Variants in ATAD3B observed in about 807,000 individuals in gnomAD.
ATAD3B encodes the protein ATPase family AAA domain-containing protein 3B.
ATAD3B carries 59 observed loss-of-function variants against 70.2 expected under a neutral mutation model. That is an observed-to-expected ratio of 0.84 (90% CI 0.68 to 1.04). The LOEUF is 1.04. ATAD3B is among the 50% of genes least tolerant of loss of function. ATAD3B has a pLI of 0.00. For synonymous variants in ATAD3B, 423 were observed against 388.6 expected (o/e 1.09, Z -1.04); for missense variants, 961 against 913.4 (o/e 1.05, Z -0.67).
At chr1:1,481,898 G>C (rs1639922750) in intron 5 of ATAD3B, among the ~76,000 whole-genome samples, 1 of 152,130 alleles carries the variant, frequency 6.6e-6, no homozygotes, top group Non-Finnish European at 1.5e-5. Context: ...GCCTTAGCCT[G>C]TTGGTGGCGT....
chr1:1,506,005 G>T, the ATAD3B span, among the ~76,000 whole-genome samples: 1 of 152,130 alleles, frequency 6.6e-6, no homozygotes, highest in South Asian at 2.1e-4. Flanking sequence ...TGCCAAGGTG[G>T]GTGGAGCACC....
chr1:1,491,509 C>CAA (rs1640539639), intron 15 of ATAD3B, among the ~76,000 whole-genome samples: 1 of 151,642 alleles, frequency 6.6e-6, no homozygotes, highest in South Asian at 2.1e-4. Context: ...CCAGCCTGGC[C>CAA]AAAGATTGAG....
At chr1:1,495,334 TG>T in intron 15 of ATAD3B, 150 bp from the exon 16 acceptor site, 1 of 1,108,314 alleles carries the variant, frequency 9.0e-7, no homozygotes. Context: ...ACACGCGTGC[TG>T]GGCTCTGCCA....
rs2100608221 is a variant in ATAD3B, at chr1:1,496,330, G to A, written c.*513G>A. On this transcript the variant is annotated 3_prime_UTR_variant, in exon 16 of 16. Coordinates refer to ENST00000673477, the MANE Select transcript of ATAD3B (RefSeq NM_031921.6). ...TGGAGAATTTACTGATCACAGAGCGGTGTGCTTCACATCAGCCTCGCGCCA... is the reference window on the plus strand; with the variant it reads ...TGGAGAATTTACTGATCACAGAGCGATGTGCTTCACATCAGCCTCGCGCCA... The A allele has an allele frequency of 3.6e-6, 3 of 844,332 alleles. No homozygotes were observed. Among genetic ancestry groups the A allele is most frequent in the Non-Finnish European group, 4.3e-6 (3 of 700,658 alleles). The allele number at this position is 844,332 out of a possible 1,614,324, so 52.3% of individuals were successfully genotyped here.
intron 9 of ATAD3B, 30 bp from the exon 10 acceptor site, chr1:1,486,080 T>C: frequency 1.2e-6 from 2 of 1,612,464 alleles, no homozygotes; most frequent in Non-Finnish European, 8.5e-7. Flanking sequence ...GTGCAGAGTG[T>C]CTCCCCCAAA....
At chr1:1,492,798 G>C (rs1640601172) in intron 15 of ATAD3B, among the ~76,000 whole-genome samples, 1 of 151,812 alleles carries the variant, frequency 6.6e-6, no homozygotes, top group Admixed American at 6.6e-5. Context: ...AATTATCCAG[G>C]CGTGGTGGCT....
intron 1 of ATAD3B, among the ~76,000 whole-genome samples, chr1:1,473,658 G>A (rs1489353317): frequency 6.7e-6 from 1 of 149,170 alleles, no homozygotes; most frequent in East Asian, 2.0e-4. Flanking sequence ...ACCACGCCCA[G>A]CTAATTTTTG....
chr1:1,471,991 G>T lies in ATAD3B; in HGVS notation c.107G>T (p.Gly36Val). ...QPGAEGGGDR[G>V]LGDRPAPKDK... ...GGGGCCGAGGGCGGCGGGGACCGCGGTTTGGGAGACCGGCCGGCGCCCAAG... is the reference window on the plus strand; with the variant it reads ...GGGGCCGAGGGCGGCGGGGACCGCGTTTTGGGAGACCGGCCGGCGCCCAAG... Residue 36 changes from glycine to valine, a missense_variant, in exon 1 of 16, where the codon GGT (glycine) becomes GTT (valine). Coordinates refer to ENST00000673477, the MANE Select transcript of ATAD3B (RefSeq NM_031921.6). 1.6e-6 allele frequency: 2 copies of T among 1,243,072 alleles called. No individual in the cohort carries two copies. The highest frequency in any genetic ancestry group is 8.1e-5 in the South Asian group (2 of 24,632). The allele number at this position is 1,243,072 out of a possible 1,614,324, so 77.0% of individuals were successfully genotyped here.
the ATAD3B span, chr1:1,503,694 G>A: frequency 1.2e-6 from 2 of 1,608,230 alleles, no homozygotes; most frequent in African/African-American, 1.3e-5. Flanking sequence ...GGGAGGCCGG[G>A]GCGCACATGG....
chr1:1,489,182 G>A, intron 12 of ATAD3B, 22 bp from the exon 13 acceptor site: 1 of 1,613,282 alleles, frequency 6.2e-7, no homozygotes, highest in Non-Finnish European at 8.5e-7. Flanking sequence ...TGGTGCCTAA[G>A]GCTGGAACCT....
At chr1:1,478,803 A>G in intron 3 of ATAD3B, 58 bp downstream of exon 3, 1 of 1,319,086 alleles carries the variant, frequency 7.6e-7, no homozygotes, top group Non-Finnish European at 1.0e-6. Flanking sequence ...GGCCTGGGGC[A>G]GGACTGGGAG....
At chr1:1,502,213 T>C (rs1000555785), downstream of ATAD3B, among the ~76,000 whole-genome samples, 2 of 149,330 alleles carry the variant, frequency 1.3e-5, no homozygotes, top group African/African-American at 4.9e-5. Flanking sequence ...GCTTTTTTTT[T>C]CTCTCTCTTT....
chr1:1,487,092 G>A lies in ATAD3B; in HGVS notation c.1214+424G>A, dbSNP rs1309201176. Among the ~76,000 whole-genome samples, 7 of 152,186 alleles carry A rather than the reference G, an allele frequency of 4.6e-5. No individual in the cohort carries two copies. The East Asian group carries it at 1.2e-3, about 25-fold the overall frequency. On this transcript the variant is annotated intron_variant, in intron 11 of 15. Coordinates refer to ENST00000673477, the MANE Select transcript of ATAD3B (RefSeq NM_031921.6). ...TCAATAGGTCCCACAGTGACCCCGCGCAGGGCACAGCCCGGGCACCCTTGT... is the reference window on the plus strand; with the variant it reads ...TCAATAGGTCCCACAGTGACCCCGCACAGGGCACAGCCCGGGCACCCTTGT...
chr1:1,478,604 C>T (rs1418206516), intron 2 of ATAD3B, 40 bp from the exon 3 acceptor site: 2 of 1,549,610 alleles, frequency 1.3e-6, no homozygotes, highest in East Asian at 2.4e-5. Flanking sequence ...GCAGTGCCAG[C>T]CCTGAGCAAG....
chr1:1,490,195 G>T (rs746861390), intron 13 of ATAD3B, 62 bp from the exon 14 acceptor site: 10 of 1,581,436 alleles, frequency 6.3e-6, no homozygotes, highest in Non-Finnish European at 8.6e-6. Flanking sequence ...AGGAGCCCCC[G>T]TTGCCCTCGG....
rs768695366 is a variant in ATAD3B at position 1,485,111 on chromosome 1, G to C, written c.846G>C (p.Pro282=). Residue 282 remains proline (P), a synonymous_variant, in exon 8 of 16, where the codon CCG becomes CCC. Coordinates refer to ENST00000673477, the MANE Select transcript of ATAD3B (RefSeq NM_031921.6). ...TCATCGAGGCTCGGCTGGGGAAGCC[G>C]TCCCTAGTGAGGGAGACGTCCCGCA... ...GRFIEARLGK[P]SLVRETSRIT... 2 of 1,610,284 alleles carry C rather than the reference G, an allele frequency of 1.2e-6. No homozygotes were observed. The highest frequency in any genetic ancestry group is 3.3e-5 in the Admixed American group (2 of 59,868).
chr1:1,474,317 A>G (rs1422895572), intron 1 of ATAD3B, among the ~76,000 whole-genome samples: 1 of 149,206 alleles, frequency 6.7e-6, no homozygotes, highest in Non-Finnish European at 1.5e-5. Context: ...CAGCCTCCCG[A>G]GTAGCTGGGA....
downstream of ATAD3B, among the ~76,000 whole-genome samples, chr1:1,502,517 T>TC (rs1640967676): frequency 8.1e-6 from 1 of 123,688 alleles, no homozygotes; most frequent in African/African-American, 3.3e-5. Flanking sequence ...ATTTTTTTTT[T>TC]TTTTTTTTTT....
rs775847012 is a variant in ATAD3B at position 1,477,325 on chromosome 1, A to C, written c.257A>C (p.Gln86Pro). 22 of 1,612,250 alleles carry C rather than the reference A, an allele frequency of 1.4e-5. No homozygotes were observed. The South Asian group carries it at 2.4e-4, about 18-fold the overall frequency. The change falls in exon 2 of 16, where the codon CAG becomes CCG. Residue 86 changes from glutamine to proline, a missense_variant. This residue lies in a region of ATAD3B where 187 missense variants were observed against 244.3 expected (regional missense o/e 0.77). Transcript: ENST00000673477. ...GCGCAGATGCAGGAGCAGACGCTGCAGTTGGAGCAACAGTCCAAGCTCAAA... is the reference window on the plus strand; with the variant it reads ...GCGCAGATGCAGGAGCAGACGCTGCCGTTGGAGCAACAGTCCAAGCTCAAA... ...NLAQMQEQTL[Q>P]LEQQSKLKEY... is the part of the protein sequence containing the mutation.
Sources: gnomAD v4.1 joint callset for allele counts (sites outside exome capture counted in the v4.1 genomes callset) on GRCh38, gnomAD v4.1.1 for gene constraint, gnomAD v4.1.1 regional missense constraint, MANE v1.5 for transcripts, NCBI Gene and HGNC (gene_info 2026-07-23, HGNC 2026-07-21) for gene names.